The following TNNI3K variants were observed in gnomAD, a reference collection of about 807,000 sequenced individuals.
TNNI3K encodes serine/threonine-protein kinase TNNI3K.
In TNNI3K, 140 loss-of-function variants were observed where a neutral mutation model predicts 114.5. The observed-to-expected ratio is 1.22, with a 90% CI of 1.07 to 1.41. TNNI3K has a LOEUF of 1.41. Ranked by LOEUF, TNNI3K falls within the 40% of genes most tolerant of loss-of-function variation. The pLI is 0.00. For missense variants in TNNI3K, 1,125 were observed against 1,007.6 expected (o/e 1.12, Z -1.58); for synonymous variants, 347 against 347.5 (o/e 1.00, Z 0.02).
chr1:74,535,941 T>G (rs965090678), intron 23 of TNNI3K, among the ~76,000 whole-genome samples: 14 of 152,196 alleles, frequency 9.2e-5, no homozygotes, highest in African/African-American at 3.4e-4. Flanking sequence ...TTTCCCCTTA[T>G]TATTTATCTT....
intron 20 of TNNI3K, among the ~76,000 whole-genome samples, chr1:74,449,072 G>T (rs1666855893): frequency 7.2e-6 from 1 of 138,186 alleles, no homozygotes; most frequent in South Asian, 2.5e-4. Flanking sequence ...GGTAGAATTT[G>T]GCTGTGAATC....
chr1:74,520,028 T>G (rs888646443), intron 23 of TNNI3K, among the ~76,000 whole-genome samples: 2 of 152,200 alleles, frequency 1.3e-5, no homozygotes, highest in Admixed American at 6.6e-5. Context: ...CATAAGTTTT[T>G]GGGGAACAGG....
chr1:74,465,733 G>T (rs922889071), intron 21 of TNNI3K, among the ~76,000 whole-genome samples: 1 of 152,226 alleles, frequency 6.6e-6, no homozygotes, highest in African/African-American at 2.4e-5. Flanking sequence ...TGTGGGGTGG[G>T]GTCTTGGAGA....
chr1:74,287,212 C>T (rs1045079601), intron 5 of TNNI3K, among the ~76,000 whole-genome samples: 1 of 152,102 alleles, frequency 6.6e-6, no homozygotes, highest in Non-Finnish European at 1.5e-5. Flanking sequence ...AAGCCTACAG[C>T]ACTTTTGGTA....
chr1:74,241,644 T>G (rs1463244728), intron 2 of TNNI3K, among the ~76,000 whole-genome samples: 1 of 152,162 alleles, frequency 6.6e-6, no homozygotes, highest in Non-Finnish European at 1.5e-5. Context: ...TCTTGTAAAT[T>G]TGTTTGAGTT....
chr1:74,418,279 C>T (rs1331239374), intron 17 of TNNI3K: 2 of 394,260 alleles, frequency 5.1e-6, no homozygotes, highest in South Asian at 1.8e-5. Flanking sequence ...CAGTTCCTAA[C>T]GAATGAAGTC....
chr1:74,408,866 C>T (rs1441354710), intron 17 of TNNI3K, among the ~76,000 whole-genome samples: 2 of 151,944 alleles, frequency 1.3e-5, no homozygotes, highest in Non-Finnish European at 2.9e-5. Context: ...TTTTGTTGTA[C>T]TATTTTGTAG....
At chr1:74,517,025 A>T (rs1216988372) in intron 23 of TNNI3K, among the ~76,000 whole-genome samples, 1 of 152,228 alleles carries the variant, frequency 6.6e-6, no homozygotes, top group Non-Finnish European at 1.5e-5. Context: ...TCAAAAAAAT[A>T]AAAACAGAAA....
At chr1:74,267,285 C>G (rs1656053504) in intron 4 of TNNI3K, among the ~76,000 whole-genome samples, 1 of 151,910 alleles carries the variant, frequency 6.6e-6, no homozygotes, top group South Asian at 2.1e-4. Context: ...ATATTGCTGA[C>G]TCTTAAAATT....
intron 21 of TNNI3K, chr1:74,469,358 T>G (rs1324656452): frequency 6.6e-6 from 1 of 152,596 alleles, no homozygotes; most frequent in African/African-American, 2.4e-5. Flanking sequence ...AACATACCAA[T>G]ATGCATATCA....
At chr1:74,342,291 G>A (rs1660784592) in intron 7 of TNNI3K, among the ~76,000 whole-genome samples, 3 of 152,286 alleles carry the variant, frequency 2.0e-5, no homozygotes, top group South Asian at 4.1e-4. Context: ...AATGAGGTCT[G>A]CCTAAGTCTA....
intron 17 of TNNI3K, among the ~76,000 whole-genome samples, chr1:74,383,341 G>A (rs918293727): frequency 6.6e-6 from 1 of 151,700 alleles, no homozygotes; most frequent in African/African-American, 2.4e-5. Context: ...TTTCTTGGTG[G>A]AACTGCCTCT....
At chr1:74,451,687 C>CTTTTT (rs59304469) in intron 20 of TNNI3K, among the ~76,000 whole-genome samples, 1 of 26,772 alleles carries the variant, frequency 3.7e-5, no homozygotes, top group Admixed American at 7.0e-4. Context: ...CTTTTCTTTT[C>CTTTTT]TTTCTTTCTT....
chr1:74,299,539 AG>A (rs1658190670), intron 5 of TNNI3K, among the ~76,000 whole-genome samples: 1 of 152,142 alleles, frequency 6.6e-6, no homozygotes, highest in South Asian at 2.1e-4. Flanking sequence ...GAGCGTTTTC[AG>A]TATGCCAGGT....
Position 74,369,312 on chromosome 1 carries a change from T to C in TNNI3K, c.1472+48T>C, listed in dbSNP as rs200625389. The C allele has an allele frequency of 1.2e-5, 20 of 1,607,206 alleles. No individual in the cohort carries two copies. In the Admixed American group the frequency reaches 3.4e-4, roughly 27 times the overall value. Reference sequence around the variant, plus strand: ...TTAACATCCAGGTGGAATTGTGACCTTTGAGAAGCATGTGCATGGCAAGCC... The same window carrying C: ...TTAACATCCAGGTGGAATTGTGACCCTTGAGAAGCATGTGCATGGCAAGCC... On this transcript the variant is annotated intron_variant, in intron 15 of 24. Coordinates refer to ENST00000326637, the MANE Select transcript of TNNI3K (RefSeq NM_015978.3).
At chr1:74,408,205 G>T (rs1664710594) in intron 17 of TNNI3K, among the ~76,000 whole-genome samples, 1 of 152,142 alleles carries the variant, frequency 6.6e-6, no homozygotes, top group African/African-American at 2.4e-5. Context: ...GCATGGGTAG[G>T]ACATTGAATG....
rs1477362388 is a variant in TNNI3K at position 74,445,309 on chromosome 1, C to T, written c.2011+5687C>T. On this transcript the variant is annotated intron_variant, in intron 20 of 24. Coordinates refer to ENST00000326637, the MANE Select transcript of TNNI3K (RefSeq NM_015978.3). ...TATGTATACATGTGCCGTGCTGGTG[C>T]GCTGCACCCACTAACTCGTCATCTA... Among the ~76,000 whole-genome samples, 10 of 143,308 alleles carry T rather than the reference C, an allele frequency of 7.0e-5. No homozygotes were observed. The South Asian group carries it at 1.2e-3, about 17-fold the overall frequency. 94.0% of individuals were successfully genotyped at this position (143,308 alleles called of 152,430 possible). A position where few individuals can be genotyped will look rare whatever the true frequency, so the allele number is the denominator to read the frequency against.
intron 21 of TNNI3K, chr1:74,483,241 T>C (rs1355369926): frequency 9.8e-6 from 7 of 716,640 alleles, no homozygotes; most frequent in Non-Finnish European, 1.8e-5. Flanking sequence ...CACTGCTTTT[T>C]AGAGTTATTA....
chr1:74,327,453 GAT>G (rs765712406), intron 5 of TNNI3K, among the ~76,000 whole-genome samples: 16 of 145,998 alleles, frequency 1.1e-4, no homozygotes, highest in Admixed American at 4.1e-4. Flanking sequence ...CTGCTACTGA[GAT>G]ATATATATAT....
Sources: allele counts gnomAD v4.1 joint callset (sites outside exome capture counted in the v4.1 genomes callset), GRCh38; gene constraint gnomAD v4.1.1; transcripts MANE v1.5; gene names NCBI Gene and HGNC (gene_info 2026-07-23, HGNC 2026-07-21).